The following OTUD7A variants were observed in gnomAD, a reference collection of about 807,000 sequenced individuals.
OTUD7A encodes the protein OTU domain-containing protein 7A.
Under a neutral mutation model 65.7 loss-of-function variants are expected in OTUD7A, and 12 were observed. That is an observed-to-expected ratio of 0.18 (90% CI 0.12 to 0.30). The LOEUF is 0.30. OTUD7A is among the 10% of genes least tolerant of loss of function. The pLI is 1.00. For synonymous variants in OTUD7A, 641 were observed against 586.3 expected (o/e 1.09, Z -1.35); for missense variants, 1,148 against 1,304.8 (o/e 0.88, Z 1.85).
intron 1 of OTUD7A, among the ~76,000 whole-genome samples, chr15:31,731,731 C>T (rs1429230766): frequency 6.6e-6 from 1 of 152,132 alleles, no homozygotes; most frequent in Non-Finnish European, 1.5e-5. Context: ...AATGTAGGTT[C>T]ATCAGTTGTA....
chr15:31,680,070 A>G (rs1355372365), intron 1 of OTUD7A, among the ~76,000 whole-genome samples: 6 of 152,198 alleles, frequency 3.9e-5, no homozygotes, highest in African/African-American at 1.4e-4. Flanking sequence ...CAAGATAATC[A>G]CTAACCACCC....
rs1442039310 is a variant in OTUD7A, at chr15:31,629,857, T to C, written c.151+25239A>G. Among the ~76,000 whole-genome samples the C allele has an allele frequency of 2.6e-5, 4 of 152,344 alleles. 1 individual carries two copies. The highest frequency in any genetic ancestry group is 6.5e-5 in the Admixed American group (1 of 15,296). On this transcript the variant is annotated intron_variant, in intron 3 of 12. Coordinates refer to ENST00000307050, the MANE Select transcript of OTUD7A (RefSeq NM_001382637.1). ...TGTCCAGGAATTTATCCATTTCTTC[T>C]AGATTTTCTAGTTTATTTGTGTAGA...
At chr15:31,660,675 G>C (rs1178707376) in intron 1 of OTUD7A, among the ~76,000 whole-genome samples, 2 of 152,238 alleles carry the variant, frequency 1.3e-5, no homozygotes, top group African/African-American at 4.8e-5. Flanking sequence ...GGAGAGGAAA[G>C]GTGCTTCTTT....
At chr15:31,845,600 C>T (rs573340939) in intron 1 of OTUD7A, among the ~76,000 whole-genome samples, 1 of 152,340 alleles carries the variant, frequency 6.6e-6, no homozygotes, top group Non-Finnish European at 1.5e-5. Flanking sequence ...CCCCAGCCCC[C>T]AACCAGCATG....
chr15:31,507,634 TGGGG>T (rs60691059), intron 8 of OTUD7A, among the ~76,000 whole-genome samples: 6 of 69,418 alleles, frequency 8.6e-5, no homozygotes, highest in South Asian at 6.0e-4. Flanking sequence ...CGCTGCTGGC[TGGGG>T]GGCGGGGGTG....
intron 8 of OTUD7A, among the ~76,000 whole-genome samples, chr15:31,524,655 T>C (rs934555649): frequency 7.9e-5 from 12 of 152,060 alleles, no homozygotes; most frequent in African/African-American, 2.2e-4. Flanking sequence ...TTGTTTAGTT[T>C]CCCCTCTCTG....
intron 1 of OTUD7A, among the ~76,000 whole-genome samples, chr15:31,726,511 A>G (rs1050524798): frequency 4.6e-5 from 7 of 152,256 alleles, no homozygotes; most frequent in African/African-American, 7.2e-5. Flanking sequence ...GCTTGATCAC[A>G]TCAAACAGAA....
At chr15:31,532,665 C>T (rs1158122341) in intron 5 of OTUD7A, among the ~76,000 whole-genome samples, 3 of 152,076 alleles carry the variant, frequency 2.0e-5, no homozygotes, top group South Asian at 2.1e-4. Context: ...CGGTGGCTCA[C>T]GCCTGTAATC....
At chr15:31,642,930 TTG>T (rs1277735993) in intron 3 of OTUD7A, among the ~76,000 whole-genome samples, 1 of 152,088 alleles carries the variant, frequency 6.6e-6, no homozygotes, top group Non-Finnish European at 1.5e-5. Context: ...TGGGTTTAAT[TTG>T]CTCTTTTTTT....
chr15:31,763,823 A>G (rs972789140), intron 1 of OTUD7A, among the ~76,000 whole-genome samples: 12 of 152,230 alleles, frequency 7.9e-5, no homozygotes, highest in African/African-American at 2.7e-4. Flanking sequence ...TATAAATAGG[A>G]GAACAACCCT....
At chr15:31,687,871 G>A (rs2141314470) in intron 1 of OTUD7A, among the ~76,000 whole-genome samples, 1 of 152,296 alleles carries the variant, frequency 6.6e-6, no homozygotes, top group South Asian at 2.1e-4. Flanking sequence ...ATGTTCACAG[G>A]GCTTCAAAGT....
intron 8 of OTUD7A, among the ~76,000 whole-genome samples, chr15:31,521,777 G>A (rs980903278): frequency 1.3e-5 from 2 of 152,200 alleles, no homozygotes; most frequent in Non-Finnish European, 2.9e-5. Flanking sequence ...AGAGAGGTTA[G>A]CATGTGAGAA....
chr15:31,727,807 C>T (rs1893934413), intron 1 of OTUD7A, among the ~76,000 whole-genome samples: 1 of 152,150 alleles, frequency 6.6e-6, no homozygotes, highest in South Asian at 2.1e-4. Flanking sequence ...TAACACCTGG[C>T]TCTCCTGTTT....
intron 1 of OTUD7A, among the ~76,000 whole-genome samples, chr15:31,779,962 C>T (rs1489209895): frequency 6.6e-6 from 1 of 152,158 alleles, no homozygotes; most frequent in Non-Finnish European, 1.5e-5. Context: ...CTCAGTGCAC[C>T]CCAGAAGCCT....
At chr15:31,608,527 A>G (rs1890303017) in intron 3 of OTUD7A, among the ~76,000 whole-genome samples, 1 of 152,238 alleles carries the variant, frequency 6.6e-6, no homozygotes, top group African/African-American at 2.4e-5. Context: ...AGCATGGGAA[A>G]GGGGCTTTTT....
intron 1 of OTUD7A, among the ~76,000 whole-genome samples, chr15:31,753,134 C>T (rs1336237698): frequency 7.2e-5 from 11 of 152,036 alleles, no homozygotes; most frequent in Non-Finnish European, 1.2e-4. Context: ...TTTGATGCCA[C>T]AAGCTTGATT....
chr15:31,579,636 A>G (rs1333447445), intron 3 of OTUD7A, among the ~76,000 whole-genome samples: 6 of 152,240 alleles, frequency 3.9e-5, no homozygotes, highest in Non-Finnish European at 7.3e-5. Flanking sequence ...GACCACAGGT[A>G]AAACTGAAAC....
chr15:31,584,140 G>A, intron 3 of OTUD7A, among the ~76,000 whole-genome samples: 1 of 152,186 alleles, frequency 6.6e-6, no homozygotes, highest in East Asian at 1.9e-4. Flanking sequence ...GAACACAAGG[G>A]AAGCTTTAAT....
At chr15:31,643,856 T>C (rs4493010) in intron 3 of OTUD7A, among the ~76,000 whole-genome samples, 50,465 of 152,096 alleles carry the variant, frequency 0.33, 11,095 homozygotes, top group African/African-American at 0.62. Flanking sequence ...AGAGAGTCCT[T>C]GGCAGAACTT....
Sources: gnomAD v4.1 joint callset for allele counts (sites outside exome capture counted in the v4.1 genomes callset) on GRCh38, gnomAD v4.1.1 for gene constraint, MANE v1.5 for transcripts, NCBI Gene and HGNC (gene_info 2026-07-23, HGNC 2026-07-21) for gene names.